The following AK8 variants were observed in gnomAD, a reference collection of about 807,000 sequenced individuals.
AK8 encodes the protein ATP-AMP transphosphorylase 8.
Under a neutral mutation model 54.6 loss-of-function variants are expected in AK8, and 44 were observed. That is an observed-to-expected ratio of 0.81 (90% CI 0.63 to 1.04). The LOEUF is 1.04. Ranked by LOEUF, AK8 falls within the 50% of genes least tolerant of loss-of-function variation. AK8 has a pLI of 0.00. For synonymous variants in AK8, 239 were observed against 245.6 expected, an observed-to-expected ratio of 0.97 and a Z score of 0.25; for missense variants, 555 against 613.6, an observed-to-expected ratio of 0.90 and a Z score of 1.01.
intron 5 of AK8, among the ~76,000 whole-genome samples, chr9:132,849,126 T>A (rs1351161660): frequency 6.6e-6 from 1 of 152,104 alleles, no homozygotes; most frequent in Non-Finnish European, 1.5e-5. Flanking sequence ...GCCAGGATGG[T>A]CTCAATCTTT....
chr9:132,781,123 G>A lies in AK8; in HGVS notation c.1121+11511C>T, dbSNP rs1344564135. Among the ~76,000 whole-genome samples, 2 of 152,076 alleles carry A rather than the reference G, an allele frequency of 1.3e-5. No homozygotes were observed. The highest frequency in any genetic ancestry group is 2.9e-5 in the Non-Finnish European group (2 of 68,018). On this transcript the variant is annotated intron_variant, in intron 11 of 12. Coordinates refer to ENST00000298545, the MANE Select transcript of AK8 (RefSeq NM_152572.3). The surrounding 1 kb of genome is among the most constrained non-coding windows in gnomAD (Gnocchi z 4.6). ...TATTTTACAGCCAGGCAGAGGGCAGGTTTCTGGATGCAGCCATGAACATAG... is the reference window on the plus strand; with the variant it reads ...TATTTTACAGCCAGGCAGAGGGCAGATTTCTGGATGCAGCCATGAACATAG...
intron 5 of AK8, among the ~76,000 whole-genome samples, chr9:132,847,064 C>G (rs1255087532): frequency 6.6e-6 from 1 of 152,232 alleles, no homozygotes; most frequent in African/African-American, 2.4e-5. Flanking sequence ...AGACTTCTGC[C>G]TTCCAGTGGT....
At chr9:132,812,949 C>G (rs1841135161) in intron 10 of AK8, among the ~76,000 whole-genome samples, 1 of 139,346 alleles carries the variant, frequency 7.2e-6, no homozygotes, top group African/African-American at 2.8e-5. Context: ...CTGCCCTGAG[C>G]CTACACAGAT....
intron 10 of AK8, among the ~76,000 whole-genome samples, chr9:132,796,682 A>C (rs1030852961): frequency 6.6e-6 from 1 of 152,130 alleles, no homozygotes; most frequent in Non-Finnish European, 1.5e-5. Context: ...ATGAGAAAAA[A>C]GCAGGTAAAT....
chr9:132,829,712 A>G (rs1284877578), intron 5 of AK8, among the ~76,000 whole-genome samples: 1 of 152,042 alleles, frequency 6.6e-6, no homozygotes, highest in Non-Finnish European at 1.5e-5. Context: ...GAACTGGTTT[A>G]GAGGTTTATT....
chr9:132,795,876 G>C (rs1009508475), intron 10 of AK8, among the ~76,000 whole-genome samples: 1 of 152,224 alleles, frequency 6.6e-6, no homozygotes, highest in Non-Finnish European at 1.5e-5. Context: ...AGATCAGAAT[G>C]GTGGATCCCG....
rs530458773 is a variant in AK8 at position 132,792,525 on chromosome 9, C to T, written c.1121+109G>A. The stretch of plus-strand genomic sequence containing the variant: ...ATGGGGATGACCAGGAGACATTCCA[C>T]TTCAGGAACACGTGAAGGCTTGTGT... On this transcript the variant is annotated intron_variant, in intron 11 of 12. Coordinates refer to ENST00000298545, the MANE Select transcript of AK8 (RefSeq NM_152572.3). The T allele has an allele frequency of 1.1e-5, 15 of 1,409,480 alleles. No homozygotes were observed. The African/African-American group carries it at 2.1e-4, about 20-fold the overall frequency. The allele number at this position is 1,409,480 out of a possible 1,614,324, so 87.3% of individuals were successfully genotyped here.
chr9:132,836,502 G>C (rs1377903457), intron 5 of AK8, among the ~76,000 whole-genome samples: 1 of 152,214 alleles, frequency 6.6e-6, no homozygotes, highest in East Asian at 1.9e-4. Context: ...TGGCATTCCA[G>C]GTATGAACTG....
rs923552619 is a variant in AK8 at position 132,790,441 on chromosome 9, C to T, written c.1121+2193G>A. ...AATTTTTTGTATTTTTTAGTAGAGA[C>T]GGGTTTCACCATGTTAGCCAGGATG... On this transcript the variant is annotated intron_variant, in intron 11 of 12. Coordinates refer to ENST00000298545, the MANE Select transcript of AK8 (RefSeq NM_152572.3). The surrounding 1 kb of genome is among the most constrained non-coding windows in gnomAD (Gnocchi z 4.1). Among the ~76,000 whole-genome samples, 4 of 152,126 alleles carry T rather than the reference C, an allele frequency of 2.6e-5. No homozygotes were observed. The highest frequency in any genetic ancestry group is 2.0e-4 in the Admixed American group (3 of 15,282).
At chr9:132,878,355 G>T, upstream of AK8, 1 of 1,258,352 alleles carries the variant, frequency 7.9e-7, no homozygotes. The surrounding 1 kb of genome is among the most constrained non-coding windows in gnomAD (Gnocchi z 4.7). Flanking sequence ...TGCAGGCTCC[G>T]CGCCGGGCCC....
At chr9:132,798,395 C>A (rs1840278628) in intron 10 of AK8, among the ~76,000 whole-genome samples, 1 of 152,216 alleles carries the variant, frequency 6.6e-6, no homozygotes, top group African/African-American at 2.4e-5. Context: ...TGAGAACAAG[C>A]TGCTCCTTGG....
intron 5 of AK8, among the ~76,000 whole-genome samples, chr9:132,836,865 T>C (rs892964428): frequency 6.6e-6 from 1 of 152,214 alleles, no homozygotes; most frequent in African/African-American, 2.4e-5. Context: ...ATGATGATAA[T>C]AGTACCTACA....
In AK8 at chr9:132,831,192, C is replaced by CT. The variant is rs200977922; in HGVS notation, c.403-2467dup. Among the ~76,000 whole-genome samples, 1,440 of 148,368 alleles carry CT rather than the reference C, an allele frequency of 9.7e-3. 21 individuals carry two copies. Among genetic ancestry groups the CT allele is most frequent in the African/African-American group, 0.033 (1,341 of 40,444 alleles). The stretch of plus-strand genomic sequence containing the variant: ...TGTCTAGTAAAATACGCTCTCCCTT[C>CT]TTTTTTTTTTCAAAGCAAGATCTTT... On this transcript the variant is annotated intron_variant, in intron 5 of 12. Transcript: ENST00000298545.
At chr9:132,737,267 T>C (rs767537734) in intron 11 of AK8, among the ~76,000 whole-genome samples, 2 of 152,212 alleles carry the variant, frequency 1.3e-5, no homozygotes, top group African/African-American at 2.4e-5. Context: ...AATACATGCA[T>C]GTATACATAT....
intron 11 of AK8, among the ~76,000 whole-genome samples, chr9:132,733,328 C>T (rs566375347): frequency 1.3e-5 from 2 of 152,316 alleles, no homozygotes; most frequent in South Asian, 2.1e-4. Context: ...CCTTGCACCC[C>T]CGGTACTGCA....
rs922724693 is a variant in AK8 at position 132,875,269 on chromosome 9, T to C, written c.85-70A>G. The C allele has an allele frequency of 5.1e-6, 8 of 1,584,078 alleles. 1 individual carries two copies. Among genetic ancestry groups the C allele is most frequent in the East Asian group, 2.3e-5 (1 of 43,726 alleles). ...GCACCTGGTCACCACAGATACCAGC[T>C]ATGGGGCCTGCTCTCTCCACTGCAC... On this transcript the variant is annotated intron_variant, in intron 1 of 12. Coordinates refer to ENST00000298545, the MANE Select transcript of AK8 (RefSeq NM_152572.3).
At chr9:132,743,128 C>T (rs1837472047) in intron 11 of AK8, among the ~76,000 whole-genome samples, 1 of 152,240 alleles carries the variant, frequency 6.6e-6, no homozygotes, top group African/African-American at 2.4e-5. Flanking sequence ...GAGCCAGCTG[C>T]AGTCAATGTC....
At chr9:132,853,566 C>A (rs1416007011) in intron 5 of AK8, among the ~76,000 whole-genome samples, 1 of 151,592 alleles carries the variant, frequency 6.6e-6, no homozygotes, top group Non-Finnish European at 1.5e-5. Context: ...GAGGCCAAGG[C>A]AGGAGGACTG....
At chr9:132,751,569 G>A (rs1484774659) in intron 11 of AK8, among the ~76,000 whole-genome samples, 2 of 150,764 alleles carry the variant, frequency 1.3e-5, no homozygotes, top group Non-Finnish European at 3.0e-5. Context: ...TCTGGGTTTT[G>A]TTAGTTGTCT....
Sources: gnomAD v4.1 joint callset for allele counts (sites outside exome capture counted in the v4.1 genomes callset) on GRCh38, gnomAD v4.1.1 for gene constraint, Gnocchi (gnomAD v3.1) non-coding constraint, MANE v1.5 for transcripts, NCBI Gene and HGNC (gene_info 2026-07-23, HGNC 2026-07-21) for gene names.